The following SRRM4 variants were observed in gnomAD, a reference collection of about 807,000 sequenced individuals.
SRRM4 encodes the protein serine/arginine repetitive matrix 4.
In SRRM4, 33 loss-of-function variants were observed where a neutral mutation model predicts 68.9. The observed-to-expected ratio is 0.48, with a 90% CI of 0.36 to 0.64. The LOEUF is 0.64. Among genes scored for constraint, SRRM4 ranks in the 30% least tolerant of loss-of-function variants. The pLI is 0.00. For synonymous variants in SRRM4, 318 were observed against 318.8 expected (o/e 1.00, Z 0.03); for missense variants, 817 against 827.1 (o/e 0.99, Z 0.15).
chr12:119,135,856 G>A (rs1390865439), intron 8 of SRRM4, among the ~76,000 whole-genome samples: 5 of 152,154 alleles, frequency 3.3e-5, no homozygotes, highest in Admixed American at 2.6e-4. Flanking sequence ...GACCTCCTCT[G>A]TGCCATTTCA....
chr12:119,130,559 G>A, intron 7 of SRRM4, 119 bp from the exon 8 acceptor site: 1 of 942,572 alleles, frequency 1.1e-6, no homozygotes, highest in Non-Finnish European at 1.5e-6. Context: ...TATCACATAT[G>A]AACATATACA....
At chr12:119,103,886 C>T (rs1457017624) in intron 2 of SRRM4, among the ~76,000 whole-genome samples, 1 of 152,190 alleles carries the variant, frequency 6.6e-6, no homozygotes, top group Non-Finnish European at 1.5e-5. Context: ...CACCTGTAAT[C>T]CCAGCACTCT....
intron 1 of SRRM4, among the ~76,000 whole-genome samples, chr12:119,068,607 AG>A (rs1953859982): frequency 6.6e-6 from 1 of 152,074 alleles, no homozygotes; most frequent in South Asian, 2.1e-4. Context: ...GGGGAGTTTT[AG>A]ATATTTATCT....
intron 8 of SRRM4, among the ~76,000 whole-genome samples, chr12:119,143,009 G>C (rs1954375631): frequency 6.6e-6 from 1 of 152,192 alleles, no homozygotes; most frequent in South Asian, 2.1e-4. Context: ...ACCTTATTTT[G>C]AGGTCCCTTC....
chr12:119,137,484 G>A (rs1954336505), intron 8 of SRRM4, among the ~76,000 whole-genome samples: 1 of 152,038 alleles, frequency 6.6e-6, no homozygotes, highest in Admixed American at 6.6e-5. Flanking sequence ...GAAACGCCAG[G>A]GAGCTGGAGT....
chr12:119,007,825 C>A (rs113807812), intron 1 of SRRM4, among the ~76,000 whole-genome samples: 1 of 152,118 alleles, frequency 6.6e-6, no homozygotes, highest in African/African-American at 2.4e-5. Flanking sequence ...GGGGCTCAGA[C>A]GAGTGTTGCT....
chr12:119,149,736 G>A (rs945501050), intron 9 of SRRM4, among the ~76,000 whole-genome samples: 6 of 152,194 alleles, frequency 3.9e-5, no homozygotes, highest in African/African-American at 1.4e-4. Context: ...GATATTTCAG[G>A]AGGAATAAGT....
intron 5 of SRRM4, among the ~76,000 whole-genome samples, chr12:119,121,402 C>T (rs1385374968): frequency 5.3e-5 from 8 of 152,200 alleles, no homozygotes; most frequent in Admixed American, 5.2e-4. Flanking sequence ...TCATTCTTAT[C>T]CATTGTACTC....
chr12:119,125,193 C>T (rs370763595), intron 6 of SRRM4, among the ~76,000 whole-genome samples, 188 bp from the exon 7 acceptor site: 77 of 152,230 alleles, frequency 5.1e-4, no homozygotes, highest in African/African-American at 1.8e-3. Flanking sequence ...CCATTGGTTA[C>T]GGAACCCTCC....
chr12:119,117,060 A>G (rs1415037735), intron 4 of SRRM4, 52 bp downstream of exon 4: 1 of 1,480,508 alleles, frequency 6.8e-7, no homozygotes. Context: ...GGTGGGGAGG[A>G]CAGTTGATGG....
In SRRM4 at chr12:119,156,641, G is replaced by C; in HGVS notation, c.1679G>C (p.Arg560Thr). ...AGCCGGAGTCGGAGCCGGAGCCGGA[G>C]ACGGAGCCGGACCCGCACGAGCAGC... ...SRSRSRSRSR[R>T]RSRTRTSSSS... Residue 560 changes from arginine to threonine, a missense_variant, in exon 13 of 13, where the codon AGA (arginine) becomes ACA (threonine). Arg to Thr is a moderately conservative substitution (Grantham distance 71). Coordinates refer to ENST00000267260, the MANE Select transcript of SRRM4 (RefSeq NM_194286.4). 1.3e-6 allele frequency: 2 copies of C among 1,590,986 alleles called. No homozygotes were observed. Among genetic ancestry groups the C allele is most frequent in the South Asian group, 2.3e-5 (2 of 87,536 alleles).
chr12:118,998,268 C>CAAAAAAAAAAAAAAAAAAAAAA lies in SRRM4; in HGVS notation c.131+16265_131+16286dup, dbSNP rs35250419. On this transcript the variant is annotated intron_variant, in intron 1 of 12. Transcript: ENST00000267260. ...AACTGAGTGGATAAGAGCAATATGG[C>CAAAAAAAAAAAAAAAAAAAAAA]AAAAAAAAAAAAAAAAAAAAAAAAA... Among the ~76,000 whole-genome samples, 4 of 36,582 alleles carry CAAAAAAAAAAAAAAAAAAAAAA rather than the reference C, an allele frequency of 1.1e-4. 1 individual carries two copies. The highest frequency in any genetic ancestry group is 3.5e-4 in the African/African-American group (3 of 8,596). 24.0% of individuals were successfully genotyped at this position (36,582 alleles called of 152,430 possible).
At chr12:119,044,055 T>TG in intron 1 of SRRM4, among the ~76,000 whole-genome samples, 1 of 151,716 alleles carries the variant, frequency 6.6e-6, no homozygotes, top group African/African-American at 2.4e-5. Context: ...TTAGAAGCGA[T>TG]GGGGTTTCTC....
rs71451816 is a variant in SRRM4, at chr12:119,117,596, G to GCA, written c.437+606_437+607dup. On this transcript the variant is annotated intron_variant, in intron 4 of 12. Transcript: ENST00000267260. Reference sequence around the variant, plus strand: ...GGCCCATGTTCCTGGTGTTCACTGTGCACACACACACACACACACGTGTAT... The same window carrying GCA: ...GGCCCATGTTCCTGGTGTTCACTGTGCACACACACACACACACACACGTGTAT... Among the ~76,000 whole-genome samples, 657 of 150,390 alleles carry GCA rather than the reference G, an allele frequency of 4.4e-3. 1 individual carries two copies. The highest frequency in any genetic ancestry group is 9.6e-3 in the African/African-American group (393 of 40,974).
intron 1 of SRRM4, among the ~76,000 whole-genome samples, chr12:119,063,772 C>T (rs1953828856): frequency 6.6e-6 from 1 of 152,096 alleles, no homozygotes; most frequent in Non-Finnish European, 1.5e-5. Flanking sequence ...TAAAACCCTT[C>T]CCACTAATAG....
Position 119,154,963 on chromosome 12 carries a change from C to T in SRRM4, c.1532+580C>T, listed in dbSNP as rs1194299688. On this transcript the variant is annotated intron_variant, in intron 12 of 12. Coordinates refer to ENST00000267260, the MANE Select transcript of SRRM4 (RefSeq NM_194286.4). This position sits in a 1 kb window ranked among gnomAD's most constrained non-coding sequence, Gnocchi z 4.7. ...GAGAGCACTGGATGTGGATTGGAAT[C>T]CTGAATGTACCACTTTGCAGGTGAC... Among the ~76,000 whole-genome samples, 1 of 152,206 alleles carries T rather than the reference C, an allele frequency of 6.6e-6. No individual in the cohort carries two copies. Among genetic ancestry groups the T allele is most frequent in the Non-Finnish European group, 1.5e-5 (1 of 68,042 alleles).
intron 1 of SRRM4, among the ~76,000 whole-genome samples, chr12:119,006,193 A>AG (rs1276545994): frequency 6.6e-6 from 1 of 152,066 alleles, no homozygotes; most frequent in African/African-American, 2.4e-5. Flanking sequence ...GCTCTGTCTG[A>AG]CATTTGGGCA....
chr12:119,002,209 G>A (rs867312363), intron 1 of SRRM4, among the ~76,000 whole-genome samples: 2 of 150,512 alleles, frequency 1.3e-5, no homozygotes, highest in African/African-American at 4.9e-5. Flanking sequence ...TGCTGATTGC[G>A]AAAAGAAAAG....
Position 119,130,585 on chromosome 12 carries a change from A to G in SRRM4, c.615-93A>G, listed in dbSNP as rs1297590141. ...AACATATACAAACACCCCCAAACAC[A>G]CTTTATCATCCTCAGATCCTGTTGG... is the stretch of plus-strand genomic sequence containing the variant. On this transcript the variant is annotated intron_variant, in intron 7 of 12. Transcript: ENST00000267260. 2.3e-6 allele frequency: 3 copies of G among 1,298,540 alleles called. No individual in the cohort carries two copies. In the Admixed American group the frequency reaches 7.6e-5, roughly 33 times the overall value. The allele number at this position is 1,298,540 out of a possible 1,614,324, so 80.4% of individuals were successfully genotyped here.
Sources: allele counts gnomAD v4.1 joint callset (sites outside exome capture counted in the v4.1 genomes callset), GRCh38; gene constraint gnomAD v4.1.1; non-coding constraint Gnocchi (gnomAD v3.1); transcripts MANE v1.5; gene names NCBI Gene and HGNC (gene_info 2026-07-23, HGNC 2026-07-21).